NPC1: variants seen among roughly 807,000 people sequenced by gnomAD.
NPC1 encodes the protein Niemann-Pick C1 protein.
NPC1 carries 85 observed loss-of-function variants against 140.4 expected under a neutral mutation model. The ratio of observed to expected loss-of-function variants is 0.61; its 90% confidence interval spans 0.51 to 0.72. The LOEUF (loss-of-function observed/expected upper bound fraction) is 0.72. NPC1 is among the 30% of genes least tolerant of loss of function. The pLI is 0.00. For missense variants in NPC1, 1,504 were observed against 1,623.8 expected (o/e 0.93, Z 1.27); for synonymous variants, 656 against 624.8 (o/e 1.05, Z -0.74).
At chr18:23,537,060 A>G (rs1021544858) in intron 20 of NPC1, among the ~76,000 whole-genome samples, 184 bp from the exon 21 acceptor site, 1 of 151,834 alleles carries the variant, frequency 6.6e-6, no homozygotes, top group Non-Finnish European at 1.5e-5. Context: ...GTTCTCTCCC[A>G]GACTGGCTTC....
At chr18:23,530,528 G>A (rs2058461070), downstream of NPC1, 1 of 1,614,144 alleles carries the variant, frequency 6.2e-7, no homozygotes, top group South Asian at 1.1e-5. Flanking sequence ...AAAGCAGACT[G>A]AAGACAACAT....
intron 10 of NPC1, among the ~76,000 whole-genome samples, chr18:23,549,921 T>C (rs1291742903): frequency 6.6e-6 from 1 of 151,798 alleles, no homozygotes; most frequent in Non-Finnish European, 1.5e-5. Flanking sequence ...TTTTTTGTAT[T>C]TTCAGTAGAG....
rs1371044057 is a variant in NPC1, at chr18:23,539,441, C to T, written c.2825G>A (p.Trp942Ter). 1 of 1,613,494 alleles carries T rather than the reference C, an allele frequency of 6.2e-7. No individual in the cohort carries two copies. The highest frequency in any genetic ancestry group is 1.3e-5 in the African/African-American group (1 of 74,924). ...YTRIGFAPSS[W>*]IDDYFDWVKP... ...CACCCAGTCGAAATAATCGTCGATC[C>T]AGGACGAGGGGGCGAAGCCTATTCG... The change falls in exon 19 of 25, where the codon TGG (tryptophan) becomes TAG (stop). Residue 942 changes from tryptophan (W) to a stop codon, truncating the protein, a stop_gained. Coordinates refer to ENST00000269228, the MANE Select transcript of NPC1 (RefSeq NM_000271.5). LOFTEE classifies it high-confidence loss of function.
chr18:23,517,966 C>T (rs2058053256), downstream of NPC1, among the ~76,000 whole-genome samples: 1 of 152,208 alleles, frequency 6.6e-6, no homozygotes. Context: ...GATCCTCCCG[C>T]CTCATCCTCC....
intron 5 of NPC1, 124 bp from the exon 6 acceptor site, chr18:23,560,604 G>C: frequency 1.9e-6 from 2 of 1,048,610 alleles, no homozygotes; most frequent in Non-Finnish European, 2.8e-6. Flanking sequence ...AAAAAGAATT[G>C]GAGGTTTTAG....
intron 3 of NPC1, among the ~76,000 whole-genome samples, chr18:23,512,188 T>C (rs2057879534): frequency 6.6e-6 from 1 of 151,872 alleles, no homozygotes; most frequent in Non-Finnish European, 1.5e-5. Flanking sequence ...GCCTGGCTAA[T>C]TTTTGTATTT....
chr18:23,522,054 C>T (rs1042865476), downstream of NPC1, among the ~76,000 whole-genome samples: 14 of 152,178 alleles, frequency 9.2e-5, no homozygotes, highest in African/African-American at 3.1e-4. Context: ...TTCCTTGTAC[C>T]GTTCACCCGG....
At chr18:23,527,721 C>A, downstream of NPC1, 1 of 1,159,726 alleles carries the variant, frequency 8.6e-7, no homozygotes, top group Non-Finnish European at 1.3e-6. Flanking sequence ...TAGTTTTTAT[C>A]ATAGCAACGT....
At chr18:23,542,076 T>C (rs989420183) in intron 14 of NPC1, among the ~76,000 whole-genome samples, 2 of 152,132 alleles carry the variant, frequency 1.3e-5, no homozygotes, top group Non-Finnish European at 2.9e-5. Context: ...CTTGTAGCAC[T>C]GGGTTGGCCA....
intron 3 of NPC1, chr18:23,516,417 C>A: frequency 6.2e-7 from 1 of 1,613,818 alleles, no homozygotes; most frequent in Non-Finnish European, 8.5e-7. Context: ...ATCGCAATGG[C>A]TACCATGTAT....
chr18:23,520,264 C>T, downstream of NPC1: 1 of 1,614,132 alleles, frequency 6.2e-7, no homozygotes, highest in Non-Finnish European at 8.5e-7. Flanking sequence ...CCTTCCACCA[C>T]CCCGTGCTTC....
At chr18:23,542,123 T>C (rs1350888411) in intron 14 of NPC1, among the ~76,000 whole-genome samples, 1 of 152,118 alleles carries the variant, frequency 6.6e-6, no homozygotes, top group African/African-American at 2.4e-5. Flanking sequence ...ACACGTGCAG[T>C]TGGGGTGCCA....
intron 22 of NPC1, 112 bp downstream of exon 22, chr18:23,535,357 C>G: frequency 2.5e-6 from 2 of 815,664 alleles, no homozygotes; most frequent in South Asian, 1.4e-5. Context: ...CAAGAGCAAG[C>G]GCCAGACTTG....
chr18:23,538,917 C>T (rs993713759), intron 19 of NPC1: 2 of 525,270 alleles, frequency 3.8e-6, no homozygotes, highest in Non-Finnish European at 6.8e-6. Context: ...TGAAGTAGAT[C>T]TCCTCCTTCA....
chr18:23,565,321 G>A (rs898841320), intron 4 of NPC1, among the ~76,000 whole-genome samples: 23 of 152,044 alleles, frequency 1.5e-4, no homozygotes, highest in African/African-American at 4.6e-4. Context: ...TTAGATCCTC[G>A]TTAATTTCGC....
At chr18:23,525,529 AT>A (rs202154080), downstream of NPC1, among the ~76,000 whole-genome samples, 1,760 of 152,084 alleles carry the variant, frequency 0.012, 36 homozygotes, top group African/African-American at 0.041. Context: ...GGTTTAAGCG[AT>A]TCTCCTGCCT....
chr18:23,511,372 G>A (rs531843785), intron 3 of NPC1, among the ~76,000 whole-genome samples: 2 of 152,244 alleles, frequency 1.3e-5, no homozygotes, highest in South Asian at 4.1e-4. Context: ...TAACTATTGG[G>A]TACTGGACTT....
intron 3 of NPC1, chr18:23,507,109 G>A (rs991479259): frequency 1.2e-5 from 16 of 1,296,526 alleles, no homozygotes; most frequent in Admixed American, 9.3e-5. Context: ...ACATTTGGAA[G>A]AGAAGGAATC....
chr18:23,586,469 C>T lies in NPC1; in HGVS notation c.-126G>A. ...AGGAGCGGAGGAGCAGGAGCAGGCG[C>T]TGACCGCGGCAGCAGGCTGCGCGCG... On this transcript the variant is annotated 5_prime_UTR_variant, in exon 1 of 25. Coordinates refer to ENST00000269228, the MANE Select transcript of NPC1 (RefSeq NM_000271.5). The T allele has an allele frequency of 2.1e-6, 3 of 1,458,710 alleles. No homozygotes were observed. Among genetic ancestry groups the T allele is most frequent in the South Asian group, 1.4e-5 (1 of 72,568 alleles). The allele number at this position is 1,458,710 out of a possible 1,614,324, so 90.4% of individuals were successfully genotyped here. A position where few individuals can be genotyped will look rare whatever the true frequency, so the allele number is the denominator to read the frequency against.
Sources: gnomAD v4.1 joint callset for allele counts (sites outside exome capture counted in the v4.1 genomes callset) on GRCh38, gnomAD v4.1.1 for gene constraint, MANE v1.5 for transcripts, NCBI Gene and HGNC (gene_info 2026-07-23, HGNC 2026-07-21) for gene names.